The following BCL7A variants were observed in gnomAD, a reference collection of about 807,000 sequenced individuals.
The protein encoded by BCL7A is B-cell CLL/lymphoma 7 protein family member A.
Under a neutral mutation model 28.4 loss-of-function variants are expected in BCL7A, and 11 were observed. The observed-to-expected ratio is 0.39, with a 90% CI of 0.24 to 0.64. The LOEUF (loss-of-function observed/expected upper bound fraction) is 0.64, where lower values mean the gene tolerates loss of function less well. Among genes scored for constraint, BCL7A ranks in the 30% least tolerant of loss-of-function variants. BCL7A has a pLI of 0.50. For synonymous variants in BCL7A, 123 were observed against 103.3 expected (o/e 1.19, Z -1.15); for missense variants, 222 against 274.8 (o/e 0.81, Z 1.36).
At chr12:122,024,349 C>T (rs1565933489) in intron 1 of BCL7A, among the ~76,000 whole-genome samples, 1 of 152,074 alleles carries the variant, frequency 6.6e-6, no homozygotes, top group East Asian at 1.9e-4. Context: ...TTATTGAGGA[C>T]GATTGAGGTC....
chr12:122,052,867 TCGGGG>T (rs796994787), intron 4 of BCL7A, among the ~76,000 whole-genome samples: 166 of 67,202 alleles, frequency 2.5e-3, no homozygotes, highest in African/African-American at 6.3e-3. Context: ...ATTTTTTTAG[TCGGGG>T]GGGGGGGGGG....
chr12:122,044,978 G>A (rs191134696), intron 4 of BCL7A, among the ~76,000 whole-genome samples: 16 of 152,208 alleles, frequency 1.1e-4, no homozygotes, highest in Admixed American at 4.6e-4. Flanking sequence ...TGGGGTGGTC[G>A]GGGCGGCCTT....
chr12:122,046,092 C>T (rs1792951226), intron 4 of BCL7A, among the ~76,000 whole-genome samples: 1 of 141,876 alleles, frequency 7.0e-6, no homozygotes, highest in African/African-American at 2.6e-5. Flanking sequence ...AAGGCATTCT[C>T]TTACAGATTT....
chr12:122,040,056 C>T (rs570163422), intron 3 of BCL7A, among the ~76,000 whole-genome samples: 1 of 152,124 alleles, frequency 6.6e-6, no homozygotes, highest in Non-Finnish European at 1.5e-5. Context: ...ATGAAACCGT[C>T]ACAATGTGCC....
Position 122,059,668 on chromosome 12 carries a change from G to C in BCL7A, c.*505G>C. The C allele has an allele frequency of 4.3e-6, 1 of 233,120 alleles. No individual in the cohort carries two copies. The highest frequency in any genetic ancestry group is 8.5e-6 in the Non-Finnish European group (1 of 118,156). The allele number at this position is 233,120 out of a possible 1,614,324, so 14.4% of individuals were successfully genotyped here. The stretch of plus-strand genomic sequence containing the variant: ...CAAAGTGCCCTCTTGGTTTGGTTCG[G>C]GCGGCGGCTGCCACCCTACTCACCG... On this transcript the variant is annotated 3_prime_UTR_variant, in exon 6 of 6. Coordinates refer to ENST00000261822, the MANE Select transcript of BCL7A (RefSeq NM_001024808.3). The surrounding 1 kb of genome is among the most constrained non-coding windows in gnomAD (Gnocchi z 4.0).
chr12:122,027,800 GCACT>G (rs1565934724), intron 1 of BCL7A, among the ~76,000 whole-genome samples: 1 of 135,296 alleles, frequency 7.4e-6, no homozygotes, highest in Non-Finnish European at 1.6e-5. Flanking sequence ...TTGTGCCACT[GCACT>G]CCAGCCTGGG....
At chr12:122,057,849 G>T (rs1951889167) in intron 5 of BCL7A, among the ~76,000 whole-genome samples, 1 of 152,130 alleles carries the variant, frequency 6.6e-6, no homozygotes, top group South Asian at 2.1e-4. Context: ...GCAGGAGCAG[G>T]AGTCTACATG....
At chr12:122,023,913 A>G (rs1593020234) in intron 1 of BCL7A, among the ~76,000 whole-genome samples, 3 of 152,154 alleles carry the variant, frequency 2.0e-5, no homozygotes, top group South Asian at 2.1e-4. Context: ...AGGTTGGGAA[A>G]CAGCCGGCAA....
At chr12:122,041,545 A>G (rs1156956044) in intron 3 of BCL7A, among the ~76,000 whole-genome samples, 1 of 152,280 alleles carries the variant, frequency 6.6e-6, no homozygotes, top group Non-Finnish European at 1.5e-5. Context: ...CAGGAGGATC[A>G]CTTGAGCCCA....
chr12:122,036,970 C>G (rs1007677055), intron 3 of BCL7A, among the ~76,000 whole-genome samples: 1 of 152,198 alleles, frequency 6.6e-6, no homozygotes, highest in Non-Finnish European at 1.5e-5. Flanking sequence ...TCCCAAAGTG[C>G]TAGGATTTAC....
chr12:122,052,039 T>C (rs1300622693), intron 4 of BCL7A, among the ~76,000 whole-genome samples: 1 of 151,914 alleles, frequency 6.6e-6, no homozygotes, highest in Non-Finnish European at 1.5e-5. Context: ...CACACCCAGC[T>C]ACTTTTTATA....
intron 4 of BCL7A, among the ~76,000 whole-genome samples, chr12:122,050,204 C>A (rs921901760): frequency 6.6e-6 from 1 of 152,140 alleles, no homozygotes; most frequent in Admixed American, 6.5e-5. Context: ...TGGTCTCAAA[C>A]TCCTGACCTC....
chr12:122,031,390 G>A (rs895859283), intron 2 of BCL7A, among the ~76,000 whole-genome samples: 4 of 152,118 alleles, frequency 2.6e-5, no homozygotes, highest in African/African-American at 4.8e-5. Flanking sequence ...TTTGGGGCAG[G>A]TGTGGTGGTG....
At chr12:122,023,006 C>G (rs531029608) in intron 1 of BCL7A, among the ~76,000 whole-genome samples, 2 of 152,250 alleles carry the variant, frequency 1.3e-5, no homozygotes, top group Non-Finnish European at 2.9e-5. Flanking sequence ...GCGGAGGGAG[C>G]TGTTGTTTTT....
At chr12:122,022,649 T>G (rs989951850) in intron 1 of BCL7A, among the ~76,000 whole-genome samples, 11 of 143,638 alleles carry the variant, frequency 7.7e-5, no homozygotes, top group Non-Finnish European at 1.5e-4. Context: ...CGCCGCCGTC[T>G]CCTCCCCGCG....
At chr12:122,050,475 G>A (rs990153782) in intron 4 of BCL7A, among the ~76,000 whole-genome samples, 5 of 152,120 alleles carry the variant, frequency 3.3e-5, no homozygotes, top group Admixed American at 6.5e-5. Flanking sequence ...AGTATGTGTC[G>A]TCCCCTCTCA....
At chr12:122,038,633 C>T (rs1263614092) in intron 3 of BCL7A, among the ~76,000 whole-genome samples, 6 of 152,036 alleles carry the variant, frequency 3.9e-5, no homozygotes, top group East Asian at 3.9e-4. Flanking sequence ...GGAGACCCCA[C>T]GCCCGACTCA....
At chr12:122,027,084 G>A (rs1328562128) in intron 1 of BCL7A, among the ~76,000 whole-genome samples, 1 of 152,216 alleles carries the variant, frequency 6.6e-6, no homozygotes, top group Non-Finnish European at 1.5e-5. Context: ...CAGCTTTGCA[G>A]CAAGTTGGGC....
rs1219034115 is a variant in BCL7A, at chr12:122,029,411, G to A, written c.93-1289G>A. 2.6e-5 allele frequency among the ~76,000 whole-genome samples: 4 copies of A among 152,170 alleles called. No homozygotes were observed. In the East Asian group the frequency reaches 7.7e-4, roughly 29 times the overall value. On this transcript the variant is annotated intron_variant, in intron 1 of 5. Transcript: ENST00000261822. The surrounding 1 kb of genome is among the most constrained non-coding windows in gnomAD (Gnocchi z 4.3). ...TGTAACCTGTCACACCAGCATGTGA[G>A]GGCCACATGCCCCACGAGGGGGTGA...
Sources: gnomAD v4.1 joint callset for allele counts (sites outside exome capture counted in the v4.1 genomes callset) on GRCh38, gnomAD v4.1.1 for gene constraint, Gnocchi (gnomAD v3.1) non-coding constraint, MANE v1.5 for transcripts, NCBI Gene and HGNC (gene_info 2026-07-23, HGNC 2026-07-21) for gene names.